The following DPYSL2 variants were observed in gnomAD, a reference collection of about 807,000 sequenced individuals.
DPYSL2 encodes the protein dihydropyrimidinase like 2.
In DPYSL2, 13 loss-of-function variants were observed where a neutral mutation model predicts 69.9. The ratio of observed to expected loss-of-function variants is 0.19; its 90% CI spans 0.12 to 0.30. The LOEUF is 0.30. Ranked by LOEUF, DPYSL2 falls within the 10% of genes least tolerant of loss-of-function variation. The probability of loss-of-function intolerance (pLI) is 1.00; values close to 1 mark genes in which losing one functional copy is unlikely to be tolerated. For missense variants in DPYSL2, 587 were observed against 918.9 expected (o/e 0.64, Z 4.67); for synonymous variants, 326 against 359.1 (o/e 0.91, Z 1.04).
At chr8:26,522,824 A>C (rs183508743) in intron 1 of DPYSL2, among the ~76,000 whole-genome samples, 2 of 152,260 alleles carry the variant, frequency 1.3e-5, no homozygotes, top group East Asian at 3.9e-4. Flanking sequence ...GATGGTATGC[A>C]AAAGTTTTAA....
At chr8:26,521,475 C>CTTTTTTTTT (rs34109742) in intron 1 of DPYSL2, among the ~76,000 whole-genome samples, 1 of 148,194 alleles carries the variant, frequency 6.7e-6, no homozygotes. Flanking sequence ...CATGGCTGTT[C>CTTTTTTTTT]TTTTTTTTTT....
At chr8:26,530,990 T>C (rs1001091807) in intron 1 of DPYSL2, among the ~76,000 whole-genome samples, 8 of 151,582 alleles carry the variant, frequency 5.3e-5, no homozygotes, top group Non-Finnish European at 7.4e-5. Context: ...GCCGAGGAGT[T>C]TGAGGCTGCA....
In DPYSL2 at chr8:26,575,505, A is replaced by G. The variant is rs145936999; in HGVS notation, c.355-6464A>G. ...GGTCAATTTAAACCATTTGTTTGGT[A>G]TCTTTTATGTGCCAAATACTCTCTT... On this transcript the variant is annotated intron_variant, in intron 1 of 13. Coordinates refer to ENST00000521913, the MANE Select transcript of DPYSL2 (RefSeq NM_001197293.3). Among the ~76,000 whole-genome samples, 376 of 152,316 alleles carry G rather than the reference A, an allele frequency of 2.5e-3. 1 individual carries two copies. Among genetic ancestry groups the G allele is most frequent in the African/African-American group, 8.9e-3 (369 of 41,562 alleles).
intron 1 of DPYSL2, among the ~76,000 whole-genome samples, chr8:26,535,635 A>G (rs63504760): frequency 6.9e-6 from 1 of 145,872 alleles, no homozygotes; most frequent in Non-Finnish European, 1.5e-5. Flanking sequence ...ATATATATAT[A>G]TTTTTTTTTT....
Position 26,587,351 on chromosome 8 carries a change from A to G in DPYSL2, c.628+3368A>G, listed in dbSNP as rs1445528135. ...TACAAAAATCTCCCTCTTCCTCCCAACTCCCCGCCACCCCGCCCCTGGGCA... is the reference window on the plus strand; with the variant it reads ...TACAAAAATCTCCCTCTTCCTCCCAGCTCCCCGCCACCCCGCCCCTGGGCA... On this transcript the variant is annotated intron_variant, in intron 3 of 13. Transcript: ENST00000521913. This position sits in a 1 kb window ranked among gnomAD's most constrained non-coding sequence, Gnocchi z 4.2. 1.3e-5 allele frequency among the ~76,000 whole-genome samples: 2 copies of G among 151,452 alleles called. No individual in the cohort carries two copies. Among genetic ancestry groups the G allele is most frequent in the African/African-American group, 2.4e-5 (1 of 41,168 alleles).
chr8:26,548,914 C>A lies in DPYSL2; in HGVS notation c.355-33055C>A, dbSNP rs912843403. 2.0e-5 allele frequency among the ~76,000 whole-genome samples: 3 copies of A among 151,294 alleles called. No individual in the cohort carries two copies. The East Asian group carries it at 5.8e-4, about 29-fold the overall frequency. ...CAAACCAAATAAAAAATAGGCCGGGCGCAGTGGCTCACGCCTATAATCCCA... is the reference window on the plus strand; with the variant it reads ...CAAACCAAATAAAAAATAGGCCGGGAGCAGTGGCTCACGCCTATAATCCCA... On this transcript the variant is annotated intron_variant, in intron 1 of 13. Coordinates refer to ENST00000521913, the MANE Select transcript of DPYSL2 (RefSeq NM_001197293.3).
At chr8:26,572,995 GA>G (rs1585516407) in intron 1 of DPYSL2, among the ~76,000 whole-genome samples, 1 of 152,282 alleles carries the variant, frequency 6.6e-6, no homozygotes, top group African/African-American at 2.4e-5. Context: ...CAGAAATTGA[GA>G]AAAAATTACT....
Position 26,516,358 on chromosome 8 carries a change from G to A in DPYSL2, c.354+1679G>A, listed in dbSNP as rs529571091. 3.9e-5 allele frequency among the ~76,000 whole-genome samples: 6 copies of A among 152,306 alleles called. No individual in the cohort carries two copies. The South Asian group carries it at 8.3e-4, about 21-fold the overall frequency. ...ATTGAGTGAGGGCCAAAATCATATA[G>A]CATCTTGGTTGAGTGAGTAGCCTCA... On this transcript the variant is annotated intron_variant, in intron 1 of 13. Coordinates refer to ENST00000521913, the MANE Select transcript of DPYSL2 (RefSeq NM_001197293.3). This position sits in a 1 kb window ranked among gnomAD's most constrained non-coding sequence, Gnocchi z 4.8.
In DPYSL2 at chr8:26,533,236, G is replaced by C. The variant is rs10081438; in HGVS notation, c.354+18557G>C. ...TAAGTTGGAATATTTGCCATTTTGT[G>C]GTTGAGCTGTAAGAGTTCTTTATAT... On this transcript the variant is annotated intron_variant, in intron 1 of 13. Transcript: ENST00000521913. The surrounding 1 kb of genome is among the most constrained non-coding windows in gnomAD (Gnocchi z 4.8). Among the ~76,000 whole-genome samples, 2 of 152,082 alleles carry C rather than the reference G, an allele frequency of 1.3e-5. No homozygotes were observed. The highest frequency in any genetic ancestry group is 4.8e-5 in the African/African-American group (2 of 41,356).
At chr8:26,601,886 C>G (rs113764349) in intron 3 of DPYSL2, among the ~76,000 whole-genome samples, 2 of 152,180 alleles carry the variant, frequency 1.3e-5, no homozygotes, top group Non-Finnish European at 2.9e-5. Context: ...CATAGTGGTG[C>G]GAAAGCAGGG....
intron 1 of DPYSL2, among the ~76,000 whole-genome samples, chr8:26,534,955 T>C (rs1487033162): frequency 1.3e-5 from 2 of 152,196 alleles, no homozygotes; most frequent in African/African-American, 2.4e-5. Flanking sequence ...TTTATCTAGC[T>C]ACAGCATTTC....
chr8:26,600,948 A>G (rs1801977026), intron 3 of DPYSL2, among the ~76,000 whole-genome samples: 1 of 152,044 alleles, frequency 6.6e-6, no homozygotes, highest in East Asian at 1.9e-4. Flanking sequence ...TGGGGAGGGA[A>G]CTTGGCAGAG....
At chr8:26,532,964 T>C (rs895332499) in intron 1 of DPYSL2, among the ~76,000 whole-genome samples, 1 of 152,216 alleles carries the variant, frequency 6.6e-6, no homozygotes, top group Non-Finnish European at 1.5e-5. Flanking sequence ...GTGGCTGCAC[T>C]ACTTTACATT....
rs767986872 is a variant in DPYSL2, at chr8:26,643,455, C to G, written c.1143C>G (p.Gly381=). 1.3e-6 allele frequency: 2 copies of G among 1,597,724 alleles called. No individual in the cohort carries two copies. Among genetic ancestry groups the G allele is most frequent in the Non-Finnish European group, 8.5e-7 (1 of 1,172,148 alleles). The part of the protein sequence containing the change: ...QARKKGTVVY[G]EPITASLGTD... ...GTTTGTCAGGAACTGTGGTGTATGG[C>G]GAGCCCATCACTGCCAGCTTGGGAA... Residue 381 remains glycine (G), a synonymous_variant, in exon 9 of 14, where the codon GGC becomes GGG. Coordinates refer to ENST00000521913, the MANE Select transcript of DPYSL2 (RefSeq NM_001197293.3). This position sits in a 1 kb window ranked among gnomAD's most constrained non-coding sequence, Gnocchi z 6.5.
Position 26,644,737 on chromosome 8 carries a change from G to A in DPYSL2, c.1425+646G>A, listed in dbSNP as rs17055605. On this transcript the variant is annotated intron_variant, in intron 10 of 13. Transcript: ENST00000521913. This position sits in a 1 kb window ranked among gnomAD's most constrained non-coding sequence, Gnocchi z 4.5. Reference sequence around the variant, plus strand: ...CAGGTGACTTACTCAGTTAATCCTCGTCTACTCTTGGAAATGGGCTCAATT... The same window carrying A: ...CAGGTGACTTACTCAGTTAATCCTCATCTACTCTTGGAAATGGGCTCAATT... Among the ~76,000 whole-genome samples, 5,481 of 152,110 alleles carry A rather than the reference G, an allele frequency of 0.036. 306 individuals are homozygous for A. The highest frequency in any genetic ancestry group is 0.12 in the African/African-American group (5,111 of 41,446).
intron 1 of DPYSL2, among the ~76,000 whole-genome samples, chr8:26,579,729 C>A (rs936891673): frequency 2.0e-5 from 3 of 152,082 alleles, no homozygotes; most frequent in African/African-American, 7.2e-5. Context: ...CCCAAGATCC[C>A]AAAGGGCCGG....
intron 3 of DPYSL2, among the ~76,000 whole-genome samples, chr8:26,615,412 G>A (rs1802322309): frequency 6.6e-6 from 1 of 152,208 alleles, no homozygotes; most frequent in Non-Finnish European, 1.5e-5. Flanking sequence ...GAGGGCTTGA[G>A]TTTAAAATCC....
At chr8:26,554,107 C>G (rs889340897) in intron 1 of DPYSL2, among the ~76,000 whole-genome samples, 10 of 152,022 alleles carry the variant, frequency 6.6e-5, no homozygotes, top group Non-Finnish European at 1.3e-4. Context: ...CCAGGCTGGT[C>G]TTGAACTCCT....
Position 26,647,492 on chromosome 8 carries a change from G to C in DPYSL2, c.1426-138G>C, listed in dbSNP as rs750240894. Reference sequence around the variant, plus strand: ...TCATACAGTGTGTGACCTTTGAGACGGTTTGTGTTTCACTTGGCACAACGC... The same window carrying C: ...TCATACAGTGTGTGACCTTTGAGACCGTTTGTGTTTCACTTGGCACAACGC... On this transcript the variant is annotated intron_variant, in intron 10 of 13. Coordinates refer to ENST00000521913, the MANE Select transcript of DPYSL2 (RefSeq NM_001197293.3). The surrounding 1 kb of genome is among the most constrained non-coding windows in gnomAD (Gnocchi z 5.1). 2.3e-6 allele frequency: 2 copies of C among 873,086 alleles called. No individual in the cohort carries two copies. Among genetic ancestry groups the C allele is most frequent in the Admixed American group, 4.8e-5 (2 of 41,566 alleles). The allele number at this position is 873,086 out of a possible 1,614,324, so 54.1% of individuals were successfully genotyped here. A position where few individuals can be genotyped will look rare whatever the true frequency, so the allele number is the denominator to read the frequency against.
Sources: allele counts gnomAD v4.1 joint callset (sites outside exome capture counted in the v4.1 genomes callset), GRCh38; gene constraint gnomAD v4.1.1; non-coding constraint Gnocchi (gnomAD v3.1); transcripts MANE v1.5; gene names NCBI Gene and HGNC (gene_info 2026-07-23, HGNC 2026-07-21).